SORCS3: variants seen among roughly 807,000 people sequenced by gnomAD.
The protein encoded by SORCS3 is sortilin related VPS10 domain containing receptor 3.
In SORCS3, 57 loss-of-function variants were observed where a neutral mutation model predicts 146.3. The ratio of observed to expected loss-of-function variants is 0.39; its 90% CI spans 0.31 to 0.49. The LOEUF is 0.49. SORCS3 is among the 20% of genes least tolerant of loss of function. The pLI is 0.92. For missense variants in SORCS3, 1,341 were observed against 1,575.5 expected (o/e 0.85, Z 2.52); for synonymous variants, 653 against 618.5 (o/e 1.06, Z -0.83).
intron 20 of SORCS3, among the ~76,000 whole-genome samples, chr10:105,243,073 A>T (rs1225057779): frequency 7.2e-6 from 1 of 138,124 alleles, no homozygotes; most frequent in East Asian, 2.0e-4. Flanking sequence ...ATATATATTT[A>T]TATATATATA....
intron 5 of SORCS3, among the ~76,000 whole-genome samples, chr10:105,083,071 T>TAAATTCATACCTG (rs1235260815): frequency 1.3e-5 from 2 of 152,214 alleles, no homozygotes; most frequent in Admixed American, 6.5e-5. Flanking sequence ...AGGATTTTCA[T>TAAATTCATACCTG]AAATTCATAC....
At chr10:105,097,186 C>T (rs373820070) in intron 6 of SORCS3, among the ~76,000 whole-genome samples, 7 of 152,270 alleles carry the variant, frequency 4.6e-5, no homozygotes, top group African/African-American at 1.4e-4. Context: ...GTTTATATAT[C>T]GGAATCTCTC....
chr10:104,995,158 C>CTT (rs777456023), intron 4 of SORCS3, among the ~76,000 whole-genome samples: 5 of 140,966 alleles, frequency 3.5e-5, no homozygotes, highest in Admixed American at 7.0e-5. Flanking sequence ...TTCTTTCTTT[C>CTT]TTTCTCTTTT....
At chr10:105,074,803 G>A (rs1468567747) in intron 5 of SORCS3, among the ~76,000 whole-genome samples, 2 of 151,914 alleles carry the variant, frequency 1.3e-5, no homozygotes, top group African/African-American at 4.8e-5. Flanking sequence ...CTCTGGTCAG[G>A]TCTGTCTACA....
intron 4 of SORCS3, among the ~76,000 whole-genome samples, chr10:104,987,589 C>A (rs552346445): frequency 5.9e-5 from 9 of 152,188 alleles, no homozygotes; most frequent in African/African-American, 1.9e-4. Flanking sequence ...CTCTTTTCTT[C>A]AGCGTTTTTT....
At chr10:104,880,139 T>G (rs1365660143) in intron 2 of SORCS3, among the ~76,000 whole-genome samples, 1 of 152,226 alleles carries the variant, frequency 6.6e-6, no homozygotes, top group Non-Finnish European at 1.5e-5. Context: ...TATCTTCCTC[T>G]TATATTCCTT....
At chr10:105,084,769 C>G (rs548832923) in intron 5 of SORCS3, among the ~76,000 whole-genome samples, 1 of 150,026 alleles carries the variant, frequency 6.7e-6, no homozygotes, top group Non-Finnish European at 1.5e-5. Context: ...CTCGCTCTGT[C>G]GCCCAGGCTG....
At chr10:104,669,712 A>G (rs1433780530) in intron 1 of SORCS3, among the ~76,000 whole-genome samples, 1 of 152,186 alleles carries the variant, frequency 6.6e-6, no homozygotes, top group Non-Finnish European at 1.5e-5. Flanking sequence ...TATATGGTAT[A>G]CCAGTATCTC....
intron 3 of SORCS3, among the ~76,000 whole-genome samples, chr10:104,970,473 A>G (rs1010392908): frequency 7.2e-5 from 11 of 151,960 alleles, no homozygotes; most frequent in Admixed American, 5.9e-4. Flanking sequence ...GTCCTTTCAA[A>G]CTCTGCGAGC....
At chr10:105,169,284 C>A (rs561898400) in intron 13 of SORCS3, among the ~76,000 whole-genome samples, 14 of 152,214 alleles carry the variant, frequency 9.2e-5, no homozygotes, top group Admixed American at 2.6e-4. Context: ...ATGACATAGT[C>A]CCTGCCCTCC....
intron 1 of SORCS3, among the ~76,000 whole-genome samples, chr10:104,697,724 G>A (rs2016233018): frequency 6.6e-6 from 1 of 152,084 alleles, no homozygotes; most frequent in South Asian, 2.1e-4. Context: ...TGACAAGGGG[G>A]CCTATTCAAA....
intron 7 of SORCS3, among the ~76,000 whole-genome samples, chr10:105,134,555 GA>G (rs71022755): frequency 0.32 from 42,091 of 130,444 alleles, 6,026 homozygotes; most frequent in Middle Eastern, 0.36. Flanking sequence ...GGACAAAAAG[GA>G]AAAAAAAAAA....
intron 20 of SORCS3, among the ~76,000 whole-genome samples, chr10:105,234,947 G>C (rs1410016373): frequency 6.6e-6 from 1 of 151,844 alleles, no homozygotes; most frequent in African/African-American, 2.4e-5. Flanking sequence ...ATGATATACT[G>C]GTTTGAAAGG....
intron 25 of SORCS3, among the ~76,000 whole-genome samples, chr10:105,257,537 G>A (rs565516374): frequency 7.2e-5 from 11 of 152,188 alleles, no homozygotes; most frequent in South Asian, 6.2e-4. Flanking sequence ...TATTAGAAAC[G>A]TAAAATTGAA....
At chr10:105,111,011 T>A (rs2055855710) in intron 7 of SORCS3, among the ~76,000 whole-genome samples, 1 of 152,148 alleles carries the variant, frequency 6.6e-6, no homozygotes, top group Non-Finnish European at 1.5e-5. Flanking sequence ...AAGACCTCTG[T>A]GACCTGGATC....
At chr10:105,227,528 G>A (rs571925225) in intron 20 of SORCS3, among the ~76,000 whole-genome samples, 2 of 152,192 alleles carry the variant, frequency 1.3e-5, no homozygotes, top group East Asian at 1.9e-4. Flanking sequence ...TCTAGCTCTT[G>A]GATAAAATGT....
At chr10:105,136,274 C>T (rs1220502153) in intron 7 of SORCS3, among the ~76,000 whole-genome samples, 1 of 152,144 alleles carries the variant, frequency 6.6e-6, no homozygotes, top group Admixed American at 6.5e-5. Context: ...GTGCCTTGAA[C>T]ACTGTGTCCT....
intron 2 of SORCS3, among the ~76,000 whole-genome samples, chr10:104,875,852 T>A (rs4918135): frequency 0.088 from 13,322 of 152,182 alleles, 779 homozygotes; most frequent in South Asian, 0.27. Context: ...GTATAATTAT[T>A]TGTGGTTTTG....
chr10:104,870,984 G>A (rs2018513302), intron 2 of SORCS3, among the ~76,000 whole-genome samples: 2 of 152,172 alleles, frequency 1.3e-5, no homozygotes, highest in South Asian at 2.1e-4. Context: ...GCACAGGAGT[G>A]AGCAGAAAGC....
Sources: allele counts gnomAD v4.1 joint callset (sites outside exome capture counted in the v4.1 genomes callset), GRCh38; gene constraint gnomAD v4.1.1; transcripts MANE v1.5; gene names NCBI Gene and HGNC (gene_info 2026-07-23, HGNC 2026-07-21).